The following MSH3 variants were observed in gnomAD, a reference collection of about 807,000 sequenced individuals.
The protein encoded by MSH3 is DNA mismatch repair protein Msh3.
A neutral mutation model predicts 123.3 loss-of-function variants in MSH3; 106 were observed. That is an observed-to-expected ratio of 0.86 (90% CI 0.73 to 1.01). The LOEUF is 1.01. Among genes scored for constraint, MSH3 ranks in the 50% least tolerant of loss-of-function variants. The pLI is 0.00. For synonymous variants in MSH3, 515 were observed against 481.4 expected (o/e 1.07, Z -0.91); for missense variants, 1,459 against 1,347.6 (o/e 1.08, Z -1.29).
chr5:80,820,301 G>A (rs1351575527), intron 20 of MSH3, among the ~76,000 whole-genome samples: 5 of 152,014 alleles, frequency 3.3e-5, no homozygotes, highest in Non-Finnish European at 7.4e-5. Flanking sequence ...AGTTAAGAAG[G>A]CAACTTAAAA....
intron 20 of MSH3, among the ~76,000 whole-genome samples, chr5:80,819,478 AT>A (rs1007297427): frequency 2.7e-5 from 4 of 148,258 alleles, no homozygotes; most frequent in African/African-American, 1.0e-4. Flanking sequence ...ATATATATAT[AT>A]AATTTTTTTT....
At chr5:80,814,202 A>C (rs1348573705) in intron 20 of MSH3, among the ~76,000 whole-genome samples, 1 of 151,924 alleles carries the variant, frequency 6.6e-6, no homozygotes, top group Admixed American at 6.6e-5. Flanking sequence ...AATACTAGAA[A>C]AGACTTAAGA....
At chr5:80,694,091 A>G (rs1750415659) in intron 8 of MSH3, among the ~76,000 whole-genome samples, 1 of 152,222 alleles carries the variant, frequency 6.6e-6, no homozygotes, top group Non-Finnish European at 1.5e-5. Context: ...TTCATATGGC[A>G]GAGATGGCAT....
chr5:80,807,826 C>T (rs1744918782), intron 19 of MSH3, among the ~76,000 whole-genome samples: 1 of 152,170 alleles, frequency 6.6e-6, no homozygotes, highest in South Asian at 2.1e-4. Flanking sequence ...CAGACCGGGG[C>T]TATTACACCA....
chr5:80,846,084 T>C (rs972812553), intron 20 of MSH3, among the ~76,000 whole-genome samples: 1 of 152,172 alleles, frequency 6.6e-6, no homozygotes, highest in Non-Finnish European at 1.5e-5. Context: ...ACAGGTGGCA[T>C]TTTGGTGTGG....
rs535750004 is a variant in MSH3 at position 80,725,490 on chromosome 5, A to G, written c.1378A>G (p.Asn460Asp). ...CAGAATTCGAGTCGAAAGGATGGAT[A>G]ACATTTATTTTGAATACAGCCATGC... is the stretch of plus-strand genomic sequence containing the variant. ...DDRIRVERMD[N>D]IYFEYSHAFQ... is the part of the protein sequence containing the mutation. Residue 460 changes from asparagine (N) to aspartate (D), a missense_variant, in exon 9 of 24, where the codon AAC becomes GAC. Coordinates refer to ENST00000265081, the MANE Select transcript of MSH3 (RefSeq NM_002439.5). The G allele has an allele frequency of 6.2e-7, 1 of 1,614,030 alleles. No homozygotes were observed. Among genetic ancestry groups the G allele is most frequent in the East Asian group, 2.2e-5 (1 of 44,846 alleles).
At chr5:80,733,433 T>C (rs1041502329) in intron 10 of MSH3, among the ~76,000 whole-genome samples, 5 of 152,142 alleles carry the variant, frequency 3.3e-5, no homozygotes, top group Admixed American at 2.0e-4. Context: ...TTCTTAACTA[T>C]GACATCAAAA....
intron 12 of MSH3, chr5:80,746,783 C>G: frequency 2.6e-6 from 1 of 389,828 alleles, no homozygotes. Context: ...CATCAAATAT[C>G]TCCGCATCAA....
chr5:80,673,318 C>G (rs1356568323), intron 6 of MSH3, among the ~76,000 whole-genome samples: 1 of 152,060 alleles, frequency 6.6e-6, no homozygotes, highest in African/African-American at 2.4e-5. Context: ...TGCTTGAGCC[C>G]AGGAGTTTGA....
intron 19 of MSH3, among the ~76,000 whole-genome samples, chr5:80,802,587 A>T (rs1014868782): frequency 6.6e-6 from 1 of 152,130 alleles, no homozygotes; most frequent in East Asian, 1.9e-4. Flanking sequence ...CAATCCAGTT[A>T]TACTCTTAGT....
intron 8 of MSH3, among the ~76,000 whole-genome samples, chr5:80,724,631 G>A (rs897529636): frequency 6.6e-6 from 1 of 152,164 alleles, no homozygotes; most frequent in African/African-American, 2.4e-5. Flanking sequence ...TAGGAGGACT[G>A]TAGAATCACT....
intron 21 of MSH3, among the ~76,000 whole-genome samples, chr5:80,860,662 C>A (rs1048674199): frequency 1.3e-5 from 2 of 151,734 alleles, no homozygotes; most frequent in East Asian, 3.9e-4. Context: ...ACATTTATCC[C>A]GTTTGGTGTT....
chr5:80,708,015 G>T (rs1235858493), intron 8 of MSH3, among the ~76,000 whole-genome samples: 1 of 152,112 alleles, frequency 6.6e-6, no homozygotes, highest in Non-Finnish European at 1.5e-5. Context: ...TTAGTTATAA[G>T]AATTCTTTAT....
chr5:80,787,002 T>G (rs1468112687), intron 17 of MSH3, among the ~76,000 whole-genome samples: 3 of 152,168 alleles, frequency 2.0e-5, no homozygotes, highest in African/African-American at 4.8e-5. Context: ...AAAAAGTACC[T>G]TTTCCCCTTG....
chr5:80,741,598 T>C, intron 11 of MSH3, 50 bp downstream of exon 11: 1 of 1,313,116 alleles, frequency 7.6e-7, no homozygotes, highest in Admixed American at 1.7e-5. Context: ...TGGGAAAAAC[T>C]TCTGAGTAAG....
At chr5:80,842,272 T>TGAAGCAGCCTTGCATCCCGTAGATGAAGC (rs1561495931) in intron 20 of MSH3, among the ~76,000 whole-genome samples, 1 of 152,310 alleles carries the variant, frequency 6.6e-6, no homozygotes, top group African/African-American at 2.4e-5. Context: ...ATATATCTGT[T>TGAAGCAGCCTTGCATCCCGTAGATGAAGC]TTGGTACCAG....
At chr5:80,871,145 G>A (rs1267422348) in intron 22 of MSH3, among the ~76,000 whole-genome samples, 1 of 152,172 alleles carries the variant, frequency 6.6e-6, no homozygotes, top group Non-Finnish European at 1.5e-5. Flanking sequence ...TTCATTCGGA[G>A]TGCTGGGCTG....
In MSH3 at chr5:80,676,795, G is replaced by A. The variant is rs193212433; in HGVS notation, c.1173+1667G>A. ...ACTTTTAAGCTTTAACATATGTAAT[G>A]TGCTATTTTATATTTACCTAAAACT... On this transcript the variant is annotated intron_variant, in intron 7 of 23. Coordinates refer to ENST00000265081, the MANE Select transcript of MSH3 (RefSeq NM_002439.5). 2.3e-4 allele frequency among the ~76,000 whole-genome samples: 35 copies of A among 152,264 alleles called. 1 individual carries two copies. The East Asian group carries it at 6.2e-3, about 27-fold the overall frequency.
chr5:80,868,990 T>G (rs1746152774), intron 22 of MSH3, among the ~76,000 whole-genome samples: 2 of 152,280 alleles, frequency 1.3e-5, no homozygotes, highest in Admixed American at 1.3e-4. Flanking sequence ...GCGTAGGTCA[T>G]CAGTAAAATG....
Sources: gnomAD v4.1 joint callset for allele counts (sites outside exome capture counted in the v4.1 genomes callset) on GRCh38, gnomAD v4.1.1 for gene constraint, MANE v1.5 for transcripts, NCBI Gene and HGNC (gene_info 2026-07-23, HGNC 2026-07-21) for gene names.